The following RANBP17 variants were observed in gnomAD, a reference collection of about 807,000 sequenced individuals.
RANBP17 encodes ran-binding protein 17.
A neutral mutation model predicts 141.2 loss-of-function variants in RANBP17; 158 were observed. The observed-to-expected ratio is 1.12, with a 90% confidence interval of 0.98 to 1.28. The LOEUF (loss-of-function observed/expected upper bound fraction) is 1.28. Ranked by LOEUF, RANBP17 falls within the 50% of genes most tolerant of loss-of-function variation. RANBP17 has a pLI of 0.00. For synonymous variants in RANBP17, 430 were observed against 450.0 expected, an observed-to-expected ratio of 0.96 and a Z score of 0.56; for missense variants, 1,438 against 1,290.7, an observed-to-expected ratio of 1.11 and a Z score of -1.75.
chr5:171,244,248 C>T (rs2127998748), intron 24 of RANBP17, among the ~76,000 whole-genome samples: 1 of 151,906 alleles, frequency 6.6e-6, no homozygotes, highest in South Asian at 2.1e-4. Context: ...AAAAAATTAG[C>T]CAGGTGTGGT....
At chr5:171,127,178 A>G (rs559877005) in intron 14 of RANBP17, among the ~76,000 whole-genome samples, 233 of 152,372 alleles carry the variant, frequency 1.5e-3, no homozygotes, top group Non-Finnish European at 2.4e-3. Flanking sequence ...TCATATGTAA[A>G]TAAATGAACG....
chr5:171,117,541 C>T (rs1229468487), intron 14 of RANBP17, among the ~76,000 whole-genome samples: 1 of 151,914 alleles, frequency 6.6e-6, no homozygotes, highest in Non-Finnish European at 1.5e-5. Flanking sequence ...GCTCTGTCGC[C>T]CAGGCTGGAG....
intron 14 of RANBP17, among the ~76,000 whole-genome samples, chr5:171,068,699 G>A (rs891651119): frequency 6.6e-6 from 1 of 151,980 alleles, no homozygotes; most frequent in African/African-American, 2.4e-5. Context: ...TGATTGTCCT[G>A]CCTCAGCCAC....
intron 14 of RANBP17, among the ~76,000 whole-genome samples, chr5:171,049,585 G>T (rs535952651): frequency 2.0e-5 from 3 of 152,202 alleles, no homozygotes; most frequent in African/African-American, 7.2e-5. Context: ...TTAGTTTCCA[G>T]GGTTTTTATA....
rs115358082 is a variant in RANBP17, at chr5:171,140,748, A to T, written c.1711-29382A>T. 2.6e-3 allele frequency among the ~76,000 whole-genome samples: 392 copies of T among 152,290 alleles called. 2 individuals carry two copies. Among genetic ancestry groups the T allele is most frequent in the African/African-American group, 8.8e-3 (366 of 41,566 alleles). ...CATTTGTCAAAACTCATAAACCTCT[A>T]TGCTTTTGAGAAGGTTGAATTAAAA... is the stretch of plus-strand genomic sequence containing the variant. On this transcript the variant is annotated intron_variant, in intron 14 of 27. Coordinates refer to ENST00000523189, the MANE Select transcript of RANBP17 (RefSeq NM_022897.5).
intron 14 of RANBP17, among the ~76,000 whole-genome samples, chr5:171,110,880 C>CT (rs1178046804): frequency 3.4e-5 from 5 of 145,594 alleles, no homozygotes; most frequent in Non-Finnish European, 6.0e-5. Context: ...TTTTATTATA[C>CT]TTTAAGTTTT....
intron 5 of RANBP17, among the ~76,000 whole-genome samples, chr5:170,903,071 C>A (rs1770780187): frequency 6.6e-6 from 1 of 152,208 alleles, no homozygotes; most frequent in African/African-American, 2.4e-5. Context: ...CAAGGAGGAA[C>A]ATTTACATCT....
intron 14 of RANBP17, among the ~76,000 whole-genome samples, chr5:171,152,900 A>G (rs930253210): frequency 2.0e-5 from 3 of 152,248 alleles, no homozygotes. Context: ...TAACTCAACT[A>G]AGAGTACATA....
chr5:171,166,187 G>A (rs1759683681), intron 14 of RANBP17, among the ~76,000 whole-genome samples: 1 of 152,146 alleles, frequency 6.6e-6, no homozygotes, highest in Non-Finnish European at 1.5e-5. Flanking sequence ...AAAGAAGGGA[G>A]GAGGGCTCAG....
chr5:170,957,072 AACACACACACACACAC>A (rs58034888), intron 13 of RANBP17, among the ~76,000 whole-genome samples: 3 of 142,902 alleles, frequency 2.1e-5, no homozygotes, highest in East Asian at 2.1e-4. Context: ...TCTGTCTCAA[AACACACACACACACAC>A]ACACACACAC....
At chr5:170,950,398 A>G (rs1581219337) in intron 12 of RANBP17, among the ~76,000 whole-genome samples, 2 of 151,934 alleles carry the variant, frequency 1.3e-5, no homozygotes, top group South Asian at 4.2e-4. Flanking sequence ...CAAAAAAAAA[A>G]TAACTCAAAT....
Position 170,864,407 on chromosome 5 carries a change from G to A in RANBP17, c.18+2356G>A, listed in dbSNP as rs115249670. ...AACCGCTCATTGCCAAAGGCCATCA[G>A]TGTGCACTTTCCCCAATGTCTCAAG... On this transcript the variant is annotated intron_variant, in intron 1 of 27. Transcript: ENST00000523189. 2.5e-3 allele frequency among the ~76,000 whole-genome samples: 385 copies of A among 152,322 alleles called. 5 individuals are homozygous for A. The highest frequency in any genetic ancestry group is 7.8e-3 in the African/African-American group (323 of 41,566).
chr5:171,160,849 A>G (rs567169440), intron 14 of RANBP17, among the ~76,000 whole-genome samples: 11 of 152,172 alleles, frequency 7.2e-5, no homozygotes, highest in East Asian at 5.8e-4. Flanking sequence ...CTAGAATGCA[A>G]TGGAGCAGTC....
chr5:171,044,347 T>A (rs936497924), intron 14 of RANBP17, among the ~76,000 whole-genome samples: 1 of 152,032 alleles, frequency 6.6e-6, no homozygotes, highest in African/African-American at 2.4e-5. Context: ...AACATTAAAG[T>A]CATATATATT....
At chr5:171,087,306 T>C (rs560001121) in intron 14 of RANBP17, among the ~76,000 whole-genome samples, 2 of 152,184 alleles carry the variant, frequency 1.3e-5, no homozygotes, top group East Asian at 1.9e-4. Context: ...AGTTCTAGTT[T>C]GATTGCACTG....
At chr5:171,295,759 C>A in intron 26 of RANBP17, 128 bp from the exon 27 acceptor site, 1 of 951,096 alleles carries the variant, frequency 1.1e-6, no homozygotes, top group Non-Finnish European at 1.6e-6. Context: ...TCAAAGTGGA[C>A]CTAGACAAAA....
chr5:170,879,379 A>G (rs1455500083), intron 2 of RANBP17, among the ~76,000 whole-genome samples: 1 of 152,168 alleles, frequency 6.6e-6, no homozygotes, highest in Non-Finnish European at 1.5e-5. Context: ...ATTTTATAAT[A>G]TGGAAATTTC....
At position 171,236,400 on chromosome 5, in the gene RANBP17, T is replaced by C. The variant is rs540217676; in HGVS notation, c.2423-4528T>C. 9.8e-5 allele frequency among the ~76,000 whole-genome samples: 15 copies of C among 152,338 alleles called. 1 individual carries two copies. The East Asian group carries it at 2.9e-3, about 29-fold the overall frequency. On this transcript the variant is annotated intron_variant, in intron 22 of 27. Coordinates refer to ENST00000523189, the MANE Select transcript of RANBP17 (RefSeq NM_022897.5). ...ATCCCTTGCATCACTTTTCTAAGTA[T>C]TTTGAGGCGTAGCAAATTGGTGGAA...
intron 20 of RANBP17, among the ~76,000 whole-genome samples, chr5:171,208,486 C>T (rs762791616): frequency 6.6e-6 from 1 of 152,160 alleles, no homozygotes; most frequent in Non-Finnish European, 1.5e-5. Context: ...CTAGATCATA[C>T]TTAAACTGAA....
Sources: gnomAD v4.1 joint callset for allele counts (sites outside exome capture counted in the v4.1 genomes callset) on GRCh38, gnomAD v4.1.1 for gene constraint, MANE v1.5 for transcripts, NCBI Gene and HGNC (gene_info 2026-07-23, HGNC 2026-07-21) for gene names.